The following CTNND2 variants were observed in gnomAD, a reference collection of about 807,000 sequenced individuals.
CTNND2 encodes the protein catenin delta 2.
In CTNND2, 22 loss-of-function variants were observed where a neutral mutation model predicts 144.4. The ratio of observed to expected loss-of-function variants is 0.15; its 90% confidence interval spans 0.11 to 0.22. The LOEUF (loss-of-function observed/expected upper bound fraction) is 0.22. Among genes scored for constraint, CTNND2 ranks in the 10% least tolerant of loss-of-function variants. The pLI is 1.00. For missense variants in CTNND2, 1,353 were observed against 1,618.8 expected (o/e 0.84, Z 2.82); for synonymous variants, 751 against 695.6 (o/e 1.08, Z -1.25).
chr5:11,306,575 C>T (rs1371238884), intron 9 of CTNND2, among the ~76,000 whole-genome samples: 1 of 152,112 alleles, frequency 6.6e-6, no homozygotes, highest in Non-Finnish European at 1.5e-5. Context: ...CATTCTGTTG[C>T]CTTGGAAACA....
At position 11,092,832 on chromosome 5, in the gene CTNND2, A is replaced by G. The variant is rs555207289; in HGVS notation, c.2637+5743T>C. 2.0e-4 allele frequency among the ~76,000 whole-genome samples: 30 copies of G among 152,184 alleles called. 1 individual carries two copies. Among genetic ancestry groups the G allele is most frequent in the Admixed American group, 5.2e-4 (8 of 15,274 alleles). ...CAAGTCACTTTGTCTTAGACAATAA[A>G]CCATGATTCTTAACTTGCGTTTGAT... is the stretch of plus-strand genomic sequence containing the variant. On this transcript the variant is annotated intron_variant, in intron 15 of 21. Coordinates refer to ENST00000304623, the MANE Select transcript of CTNND2 (RefSeq NM_001332.4).
intron 3 of CTNND2, among the ~76,000 whole-genome samples, chr5:11,429,360 T>C (rs1451748361): frequency 6.6e-6 from 1 of 152,164 alleles, no homozygotes; most frequent in Non-Finnish European, 1.5e-5. Context: ...TGGGGACAAT[T>C]ATAAAAAGAT....
At chr5:11,039,545 G>A (rs1273895254) in intron 16 of CTNND2, among the ~76,000 whole-genome samples, 2 of 152,076 alleles carry the variant, frequency 1.3e-5, no homozygotes, top group African/African-American at 4.8e-5. Flanking sequence ...AATATTTCAA[G>A]AGATGCCTTG....
chr5:11,874,196 G>C (rs759819462), intron 1 of CTNND2, among the ~76,000 whole-genome samples: 1 of 152,166 alleles, frequency 6.6e-6, no homozygotes, highest in Non-Finnish European at 1.5e-5. Context: ...ACCTCTTTGT[G>C]AGAAAAAATT....
intron 3 of CTNND2, among the ~76,000 whole-genome samples, chr5:11,508,724 C>G (rs1398242571): frequency 5.9e-5 from 9 of 152,074 alleles, no homozygotes; most frequent in Admixed American, 4.6e-4. Context: ...CCAGCCTGGC[C>G]AACATGGTGA....
chr5:11,199,785 A>G, intron 10 of CTNND2, 124 bp from the exon 11 acceptor site: 2 of 674,038 alleles, frequency 3.0e-6, no homozygotes, highest in Non-Finnish European at 2.5e-6. Flanking sequence ...TAAGGCATAC[A>G]AAAGGAAACA....
chr5:11,127,818 G>A (rs924840235), intron 12 of CTNND2, among the ~76,000 whole-genome samples: 1 of 152,122 alleles, frequency 6.6e-6, no homozygotes, highest in Non-Finnish European at 1.5e-5. Flanking sequence ...TTCAGATTTT[G>A]GACTTTTGAG....
chr5:11,675,758 G>GTA (rs1784142583), intron 2 of CTNND2, among the ~76,000 whole-genome samples: 1 of 151,874 alleles, frequency 6.6e-6, no homozygotes, highest in South Asian at 2.1e-4. Flanking sequence ...ATATGTGTGT[G>GTA]TATATATGTG....
chr5:11,122,432 A>G (rs1457458236), intron 12 of CTNND2, among the ~76,000 whole-genome samples: 1 of 152,002 alleles, frequency 6.6e-6, no homozygotes, highest in African/African-American at 2.4e-5. Context: ...GCCTGGCTCA[A>G]GGCTAGGTTG....
chr5:11,647,450 T>C (rs919216219), intron 2 of CTNND2, among the ~76,000 whole-genome samples: 1 of 151,896 alleles, frequency 6.6e-6, no homozygotes, highest in African/African-American at 2.4e-5. Context: ...TACCAACCTG[T>C]CCCTGTCATC....
chr5:11,208,779 G>A (rs181299754), intron 10 of CTNND2, among the ~76,000 whole-genome samples: 10 of 152,248 alleles, frequency 6.6e-5, no homozygotes, highest in East Asian at 1.9e-4. Context: ...GAAAAGGACC[G>A]ATGCACACAC....
At chr5:11,711,731 G>A (rs1786045872) in intron 2 of CTNND2, among the ~76,000 whole-genome samples, 1 of 152,144 alleles carries the variant, frequency 6.6e-6, no homozygotes, top group Non-Finnish European at 1.5e-5. Context: ...TTAAAATGAA[G>A]TATAGTTTTG....
At chr5:11,359,351 T>C (rs1316546779) in intron 8 of CTNND2, among the ~76,000 whole-genome samples, 1 of 152,228 alleles carries the variant, frequency 6.6e-6, no homozygotes, top group African/African-American at 2.4e-5. Flanking sequence ...CTGTCATTTC[T>C]GCTGCAGTTC....
At chr5:11,608,705 A>G (rs1283324589) in intron 2 of CTNND2, among the ~76,000 whole-genome samples, 1 of 152,048 alleles carries the variant, frequency 6.6e-6, no homozygotes. Context: ...TCTGCTTCCC[A>G]TCTTGCACCC....
intron 14 of CTNND2, among the ~76,000 whole-genome samples, chr5:11,099,338 C>A (rs1436425790): frequency 1.3e-5 from 2 of 152,122 alleles, no homozygotes; most frequent in Non-Finnish European, 2.9e-5. Flanking sequence ...AAATCTAGAT[C>A]TTGGAGCAAT....
chr5:11,330,823 T>C (rs1240908166), intron 9 of CTNND2, among the ~76,000 whole-genome samples: 1 of 149,808 alleles, frequency 6.7e-6, no homozygotes, highest in African/African-American at 2.5e-5. Flanking sequence ...AGCTAACTTA[T>C]ACAGAGCAAG....
chr5:11,609,309 T>C (rs1780206754), intron 2 of CTNND2, among the ~76,000 whole-genome samples: 1 of 152,238 alleles, frequency 6.6e-6, no homozygotes, highest in South Asian at 2.1e-4. Context: ...TACTGTCCAC[T>C]AAATCTGAGA....
At chr5:11,702,253 T>C (rs150650372) in intron 2 of CTNND2, among the ~76,000 whole-genome samples, 3 of 152,320 alleles carry the variant, frequency 2.0e-5, no homozygotes, top group East Asian at 1.9e-4. Flanking sequence ...TTACATAGCA[T>C]ACTTGTAGCA....
At chr5:11,195,322 T>A (rs1373789893) in intron 11 of CTNND2, among the ~76,000 whole-genome samples, 1 of 152,218 alleles carries the variant, frequency 6.6e-6, no homozygotes, top group Admixed American at 6.5e-5. Flanking sequence ...AAAGACTTAT[T>A]TTTTTAGAAT....
Sources: gnomAD v4.1 joint callset for allele counts (sites outside exome capture counted in the v4.1 genomes callset) on GRCh38, gnomAD v4.1.1 for gene constraint, MANE v1.5 for transcripts, NCBI Gene and HGNC (gene_info 2026-07-23, HGNC 2026-07-21) for gene names.